R3HDM1: variants seen among roughly 807,000 people sequenced by gnomAD.
R3HDM1 encodes R3H domain-containing protein 1.
A neutral mutation model predicts 141.1 loss-of-function variants in R3HDM1; 46 were observed. That is an observed-to-expected ratio of 0.33 (90% CI 0.26 to 0.42). The LOEUF (loss-of-function observed/expected upper bound fraction) is 0.42, where lower values mean the gene tolerates loss of function less well. Among genes scored for constraint, R3HDM1 ranks in the 10% least tolerant of loss-of-function variants. The pLI is 1.00. For missense variants in R3HDM1, 1,184 were observed against 1,368.3 expected (o/e 0.87, Z 2.12); for synonymous variants, 435 against 472.9 (o/e 0.92, Z 1.04).
chr2:135,700,086 A>G (rs2074010968), intron 21 of R3HDM1, among the ~76,000 whole-genome samples: 1 of 152,198 alleles, frequency 6.6e-6, no homozygotes, highest in Admixed American at 6.5e-5. Flanking sequence ...ATTTTATCAC[A>G]AAGATAATCC....
chr2:135,661,255 T>C lies in R3HDM1; in HGVS notation c.2029-15T>C. ...AAGTAAAATTGATTTTTTCCCGCAA[T>C]ATTTATGATCCTAGATGCCAGCCTG... On this transcript the variant is annotated splice_polypyrimidine_tract_variant and intron_variant, in intron 18 of 26. Transcript: ENST00000683871. 6.2e-7 allele frequency: 1 copy of C among 1,613,320 alleles called. No individual in the cohort carries two copies. The highest frequency in any genetic ancestry group is 8.5e-7 in the Non-Finnish European group (1 of 1,179,744).
At position 135,632,242 on chromosome 2, in the gene R3HDM1, A is replaced by G. The variant is rs60127926; in HGVS notation, c.698+241A>G. Among the ~76,000 whole-genome samples the G allele has an allele frequency of 3.4e-3, 519 of 152,098 alleles. 4 individuals carry two copies. The highest frequency in any genetic ancestry group is 0.012 in the African/African-American group (493 of 41,504). On this transcript the variant is annotated intron_variant, in intron 9 of 26. Transcript: ENST00000683871. ...ATATGGTAAAAAAATAAAAATCCAG[A>G]GGACATAGTATCAGTGATGTTTGAC...
At position 135,715,663 on chromosome 2, in the gene R3HDM1, C is replaced by G. The variant is rs762925037; in HGVS notation, c.2850C>G (p.Pro950=). The G allele has an allele frequency of 6.2e-7, 1 of 1,613,536 alleles. No individual in the cohort carries two copies. Among genetic ancestry groups the G allele is most frequent in the East Asian group, 2.2e-5 (1 of 44,872 alleles). Reference sequence around the variant, plus strand: ...CTGGACCACCACTTTCCATCATGCCCCAATTTTCTAGACCTTTTGTCCCCG... The same window carrying G: ...CTGGACCACCACTTTCCATCATGCCGCAATTTTCTAGACCTTTTGTCCCCG... ...RPSGPPLSIM[P]QFSRPFVPGQ... The change falls in exon 24 of 27, where the codon CCC becomes CCG. Residue 950 remains proline (P), a synonymous_variant. Transcript: ENST00000683871.
At chr2:135,611,428 C>T (rs1460867135) in intron 3 of R3HDM1, among the ~76,000 whole-genome samples, 1 of 152,050 alleles carries the variant, frequency 6.6e-6, no homozygotes, top group Non-Finnish European at 1.5e-5. Context: ...TGTAATGTAC[C>T]TAGTACATAG....
intron 1 of R3HDM1, among the ~76,000 whole-genome samples, chr2:135,535,677 G>T (rs1424692432): frequency 1.3e-5 from 2 of 151,852 alleles, no homozygotes; most frequent in African/African-American, 4.8e-5. Context: ...CATGTGCAAA[G>T]AATTAAATCG....
chr2:135,604,338 C>T (rs1292990047), intron 2 of R3HDM1, among the ~76,000 whole-genome samples: 1 of 152,154 alleles, frequency 6.6e-6, no homozygotes, highest in Non-Finnish European at 1.5e-5. Context: ...CTTCTAAATA[C>T]ACATATATTA....
rs1392198896 is a variant in R3HDM1, at chr2:135,699,063, TGATTAGATA to T, written c.2460-10357_2460-10349del. 7.7e-5 allele frequency among the ~76,000 whole-genome samples: 6 copies of T among 78,364 alleles called. 1 individual carries two copies. The highest frequency in any genetic ancestry group is 2.6e-4 in the African/African-American group (6 of 23,150). 51.4% of individuals were successfully genotyped at this position (78,364 alleles called of 152,430 possible). ...GATAGATAAGATAGATAAGATAGAT[TGATTAGATA>T]GATTAGATAGATAGATAGATAGATA... On this transcript the variant is annotated intron_variant, in intron 21 of 26. Coordinates refer to ENST00000683871, the MANE Select transcript of R3HDM1 (RefSeq NM_001378107.1).
chr2:135,678,943 G>T (rs2069721592), intron 20 of R3HDM1, among the ~76,000 whole-genome samples: 1 of 151,732 alleles, frequency 6.6e-6, no homozygotes, highest in South Asian at 2.1e-4. Flanking sequence ...TATTTTAGCA[G>T]AGACGGGGTT....
intron 3 of R3HDM1, among the ~76,000 whole-genome samples, chr2:135,613,554 C>T (rs2105147015): frequency 6.6e-6 from 1 of 152,302 alleles, no homozygotes; most frequent in African/African-American, 2.4e-5. Flanking sequence ...TGGTAGTTCA[C>T]ACCTGTAATT....
intron 7 of R3HDM1, among the ~76,000 whole-genome samples, chr2:135,624,980 C>T (rs770377122): frequency 5.9e-5 from 9 of 152,090 alleles, no homozygotes; most frequent in Non-Finnish European, 1.3e-4. Context: ...CCCACCTACT[C>T]AGGAGGCTGA....
intron 3 of R3HDM1, among the ~76,000 whole-genome samples, chr2:135,608,513 G>C (rs899356797): frequency 6.6e-6 from 1 of 152,066 alleles, no homozygotes; most frequent in African/African-American, 2.4e-5. Flanking sequence ...GGTTTCTTCT[G>C]TGTTTTCATT....
Position 135,544,734 on chromosome 2 carries a change from G to T in R3HDM1, c.-250+13101G>T, listed in dbSNP as rs895816009. Among the ~76,000 whole-genome samples, 3 of 152,300 alleles carry T rather than the reference G, an allele frequency of 2.0e-5. No individual in the cohort carries two copies. The South Asian group carries it at 6.2e-4, about 32-fold the overall frequency. ...CCAGCAGTTTGGGAGGCTGAGGCGGGCAGAATACTTGAGGCCAGGAGCTTG... is the reference window on the plus strand; with the variant it reads ...CCAGCAGTTTGGGAGGCTGAGGCGGTCAGAATACTTGAGGCCAGGAGCTTG... On this transcript the variant is annotated intron_variant, in intron 1 of 26. Transcript: ENST00000683871.
intron 1 of R3HDM1, among the ~76,000 whole-genome samples, chr2:135,556,612 G>A (rs185629645): frequency 2.0e-4 from 30 of 150,992 alleles, no homozygotes; most frequent in African/African-American, 5.8e-4. Flanking sequence ...CCTGACTCCC[G>A]GGTTCACGCC....
intron 23 of R3HDM1, among the ~76,000 whole-genome samples, chr2:135,711,578 T>G (rs1355726111): frequency 6.6e-6 from 1 of 151,514 alleles, no homozygotes; most frequent in Non-Finnish European, 1.5e-5. Context: ...CAAGATTGCT[T>G]TATCCCAGGA....
chr2:135,573,793 A>C (rs1179881254), intron 1 of R3HDM1, among the ~76,000 whole-genome samples: 1 of 152,192 alleles, frequency 6.6e-6, no homozygotes, highest in Non-Finnish European at 1.5e-5. Context: ...CCCCCACAAC[A>C]AAACAAATAA....
Position 135,618,846 on chromosome 2 carries a change from C to A in R3HDM1, c.303+2089C>A, listed in dbSNP as rs190095689. Among the ~76,000 whole-genome samples, 975 of 151,856 alleles carry A rather than the reference C, an allele frequency of 6.4e-3. 10 individuals carry two copies. Among genetic ancestry groups the A allele is most frequent in the African/African-American group, 0.021 (879 of 41,450 alleles). On this transcript the variant is annotated intron_variant, in intron 5 of 26. Coordinates refer to ENST00000683871, the MANE Select transcript of R3HDM1 (RefSeq NM_001378107.1). ...ACCAGCCTGGCCAACATGGTGAAAA[C>A]CCATCTCTACTAAAAATACAAAAAT...
chr2:135,713,868 CAAT>C (rs1166663356), intron 23 of R3HDM1, among the ~76,000 whole-genome samples: 2 of 151,918 alleles, frequency 1.3e-5, no homozygotes, highest in Non-Finnish European at 2.9e-5. Flanking sequence ...GGGCATAAAA[CAAT>C]GATAGAAATG....
chr2:135,660,470 C>A (rs1408767486), intron 18 of R3HDM1, among the ~76,000 whole-genome samples: 1 of 152,112 alleles, frequency 6.6e-6, no homozygotes, highest in Non-Finnish European at 1.5e-5. Context: ...TGAGTACTGA[C>A]ATGACATGAT....
chr2:135,624,073 A>G (rs771423838), intron 7 of R3HDM1, among the ~76,000 whole-genome samples: 2 of 152,186 alleles, frequency 1.3e-5, no homozygotes, highest in Non-Finnish European at 1.5e-5. Context: ...ATTCAAGGAA[A>G]GATAGGCATG....
Sources: allele counts gnomAD v4.1 joint callset (sites outside exome capture counted in the v4.1 genomes callset), GRCh38; gene constraint gnomAD v4.1.1; transcripts MANE v1.5; gene names NCBI Gene and HGNC (gene_info 2026-07-23, HGNC 2026-07-21).